COBL: variants seen among roughly 807,000 people sequenced by gnomAD.
The protein encoded by COBL is protein cordon-bleu.
In COBL, 51 loss-of-function variants were observed where a neutral mutation model predicts 98.8. That is an observed-to-expected ratio of 0.52 (90% CI 0.41 to 0.65). COBL has a LOEUF of 0.65. Ranked by LOEUF, COBL falls within the 30% of genes least tolerant of loss-of-function variation. COBL has a pLI of 0.00. For synonymous variants in COBL, 634 were observed against 651.7 expected (o/e 0.97, Z 0.41); for missense variants, 1,617 against 1,617.5 (o/e 1.00, Z 0.01).
chr7:51,236,639 C>T (rs563398210), intron 1 of COBL, among the ~76,000 whole-genome samples: 106 of 152,158 alleles, frequency 7.0e-4, no homozygotes, highest in African/African-American at 2.5e-3. Flanking sequence ...TGGGCACTAA[C>T]AGGGAGGGGC....
In COBL at chr7:51,040,878, T is replaced by C. The variant is rs192790701; in HGVS notation, c.1406+2505A>G. On this transcript the variant is annotated intron_variant, in intron 8 of 12. Transcript: ENST00000265136. Reference sequence around the variant, plus strand: ...TATTTGGATAGAAATCAGCAAGATTTTACATCAACGGTCAGCACCAGCAAA... The same window carrying C: ...TATTTGGATAGAAATCAGCAAGATTCTACATCAACGGTCAGCACCAGCAAA... 5.3e-5 allele frequency among the ~76,000 whole-genome samples: 8 copies of C among 152,336 alleles called. No individual in the cohort carries two copies. In the East Asian group the frequency reaches 1.5e-3, roughly 29 times the overall value.
At chr7:51,173,551 T>C (rs1159589797) in intron 5 of COBL, among the ~76,000 whole-genome samples, 1 of 152,272 alleles carries the variant, frequency 6.6e-6, no homozygotes, top group East Asian at 1.9e-4. Context: ...TCACCAAATA[T>C]CTCACTCCAT....
intron 2 of COBL, among the ~76,000 whole-genome samples, chr7:51,195,507 T>A (rs1246788879): frequency 6.6e-6 from 1 of 152,180 alleles, no homozygotes; most frequent in Non-Finnish European, 1.5e-5. Context: ...GTTTGTTTTT[T>A]GGTTCTTTGT....
At chr7:51,120,686 T>C (rs1430156041) in intron 6 of COBL, among the ~76,000 whole-genome samples, 1 of 152,048 alleles carries the variant, frequency 6.6e-6, no homozygotes, top group African/African-American at 2.4e-5. Flanking sequence ...TTTGTCTCCA[T>C]GAATCTGACT....
chr7:51,260,306 C>A, intron 1 of COBL: 1 of 450,998 alleles, frequency 2.2e-6, no homozygotes, highest in South Asian at 3.9e-5. Context: ...ATTTATAGAA[C>A]AGGATAATAT....
intron 5 of COBL, among the ~76,000 whole-genome samples, chr7:51,166,034 A>G (rs1220935094): frequency 1.3e-5 from 2 of 152,014 alleles, no homozygotes; most frequent in Admixed American, 6.6e-5. Context: ...CAAACAAACA[A>G]TCTAACTATG....
chr7:51,138,284 C>T (rs1252443836), intron 5 of COBL, among the ~76,000 whole-genome samples: 1 of 152,214 alleles, frequency 6.6e-6, no homozygotes. Flanking sequence ...TTGAGTTCTG[C>T]AGCCATCATA....
intron 7 of COBL, among the ~76,000 whole-genome samples, chr7:51,055,946 G>T (rs2128903616): frequency 6.6e-6 from 1 of 152,288 alleles, no homozygotes; most frequent in South Asian, 2.1e-4. Flanking sequence ...AGGAGTATTT[G>T]CCTTTTTCTA....
chr7:51,191,678 T>C (rs1396412184), intron 3 of COBL, among the ~76,000 whole-genome samples: 2 of 152,106 alleles, frequency 1.3e-5, no homozygotes, highest in Admixed American at 1.3e-4. Context: ...GCTATAAATA[T>C]ATTTTAAAAA....
At chr7:51,054,638 G>A (rs1234911202) in intron 7 of COBL, among the ~76,000 whole-genome samples, 1 of 152,152 alleles carries the variant, frequency 6.6e-6, no homozygotes, top group Admixed American at 6.5e-5. Flanking sequence ...GAACCCCTAA[G>A]GGAGGCCCCA....
intron 6 of COBL, among the ~76,000 whole-genome samples, chr7:51,120,613 T>C (rs1741355770): frequency 6.6e-6 from 1 of 152,188 alleles, no homozygotes; most frequent in African/African-American, 2.4e-5. Context: ...ACTGAAACTC[T>C]ACCCATCCCA....
intron 7 of COBL, among the ~76,000 whole-genome samples, chr7:51,077,455 G>A (rs1034995545): frequency 2.6e-5 from 4 of 152,200 alleles, no homozygotes; most frequent in African/African-American, 9.7e-5. Context: ...GGACAGCCTG[G>A]ATCAGGCAAC....
At chr7:51,104,700 C>T (rs1332296747) in intron 6 of COBL, among the ~76,000 whole-genome samples, 1 of 152,144 alleles carries the variant, frequency 6.6e-6, no homozygotes, top group Admixed American at 6.5e-5. Flanking sequence ...CCTGACATCA[C>T]CCCCAGAAAC....
At chr7:51,300,526 A>G (rs1801845869) in intron 1 of COBL, among the ~76,000 whole-genome samples, 2 of 152,112 alleles carry the variant, frequency 1.3e-5, no homozygotes, top group African/African-American at 4.8e-5. Context: ...CTTCTTACCC[A>G]GAGTGTCACG....
chr7:51,079,957 A>C (rs7788662), intron 7 of COBL, among the ~76,000 whole-genome samples: 128,594 of 152,194 alleles, frequency 0.84, 54,650 homozygotes, highest in African/African-American at 0.89. Flanking sequence ...TGTGGTTTTC[A>C]TGACCAAATA....
intron 8 of COBL, among the ~76,000 whole-genome samples, chr7:51,038,044 G>A (rs1190532119): frequency 6.6e-6 from 1 of 152,094 alleles, no homozygotes; most frequent in Non-Finnish European, 1.5e-5. Flanking sequence ...TAGAGATGGG[G>A]TTTCACTGCG....
At chr7:51,207,051 G>A (rs1465301909) in intron 2 of COBL, among the ~76,000 whole-genome samples, 1 of 152,154 alleles carries the variant, frequency 6.6e-6, no homozygotes, top group East Asian at 1.9e-4. Flanking sequence ...ACACAAGTCT[G>A]TAAAGTGAAG....
At chr7:51,193,985 G>A (rs1790366181) in intron 2 of COBL, among the ~76,000 whole-genome samples, 1 of 151,932 alleles carries the variant, frequency 6.6e-6, no homozygotes, top group African/African-American at 2.4e-5. Flanking sequence ...AGGGGTACAT[G>A]TGCAGGTTTG....
At chr7:51,216,963 T>C (rs1793106719) in intron 2 of COBL, among the ~76,000 whole-genome samples, 1 of 152,174 alleles carries the variant, frequency 6.6e-6, no homozygotes, top group Non-Finnish European at 1.5e-5. Context: ...ATAAAACCAA[T>C]TCCCAAAGCA....
Sources: allele counts gnomAD v4.1 joint callset (sites outside exome capture counted in the v4.1 genomes callset), GRCh38; gene constraint gnomAD v4.1.1; transcripts MANE v1.5; gene names NCBI Gene and HGNC (gene_info 2026-07-23, HGNC 2026-07-21).